The following PADI4 variants were observed in gnomAD, a reference collection of about 807,000 sequenced individuals.
PADI4 encodes protein-arginine deiminase type-4.
Under a neutral mutation model 75.0 loss-of-function variants are expected in PADI4, and 62 were observed. The ratio of observed to expected loss-of-function variants is 0.83; its 90% CI spans 0.67 to 1.02. The LOEUF is 1.02. Among genes scored for constraint, PADI4 ranks in the 50% least tolerant of loss-of-function variants. PADI4 has a pLI of 0.00. For synonymous variants in PADI4, 361 were observed against 348.1 expected (o/e 1.04, Z -0.41); for missense variants, 845 against 850.5 (o/e 0.99, Z 0.08).
chr1:17,356,058 C>T lies in PADI4; in HGVS notation c.1386C>T (p.Leu462=). The change falls in exon 12 of 16, where the codon CTC becomes CTT. Residue 462 remains leucine (L), a synonymous_variant. Transcript: ENST00000375448. The surrounding 1 kb of genome is among the most constrained non-coding windows in gnomAD (Gnocchi z 4.1). Reference sequence around the variant, plus strand: ...AGCAGGTGCAGGCCCCTGTGAAGCTCTATTCTGACTGGCTGTCCGTGGGCC... The same window carrying T: ...AGCAGGTGCAGGCCCCTGTGAAGCTTTATTCTGACTGGCTGTCCGTGGGCC... The part of the protein sequence containing the change: ...SAQQVQAPVK[L]YSDWLSVGHV... The T allele has an allele frequency of 3.7e-6, 6 of 1,614,162 alleles. No individual in the cohort carries two copies. Among genetic ancestry groups the T allele is most frequent in the Non-Finnish European group, 5.1e-6 (6 of 1,180,014 alleles).
At chr1:17,348,419 G>A (rs1287059219) in intron 10 of PADI4, among the ~76,000 whole-genome samples, 1 of 152,220 alleles carries the variant, frequency 6.6e-6, no homozygotes, top group Non-Finnish European at 1.5e-5. Flanking sequence ...TCTTATGGGT[G>A]GTGTTTGGTC....
chr1:17,338,142 G>A lies in PADI4; in HGVS notation c.513G>A (p.Val171=). The A allele has an allele frequency of 6.2e-7, 1 of 1,607,014 alleles. No individual in the cohort carries two copies. The highest frequency in any genetic ancestry group is 2.2e-5 in the East Asian group (1 of 44,778). The change falls in exon 5 of 16, where the codon GTG becomes GTA. Residue 171 remains valine, a synonymous_variant. Coordinates refer to ENST00000375448, the MANE Select transcript of PADI4 (RefSeq NM_012387.3). The stretch of plus-strand genomic sequence containing the variant: ...CCATGGACTGCGAGGATGATGAAGT[G>A]CTTGACAGCGAAGGTAAAGAGCATT... ...SSAMDCEDDE[V]LDSEDLQDMS...
At chr1:17,328,884 T>C (rs2074158339) in intron 1 of PADI4, among the ~76,000 whole-genome samples, 1 of 151,944 alleles carries the variant, frequency 6.6e-6, no homozygotes, top group Non-Finnish European at 1.5e-5. Context: ...ACCATTCTTA[T>C]GACATCAGAT....
chr1:17,346,408 G>A lies in PADI4; in HGVS notation c.1047+269G>A, dbSNP rs1030572888. On this transcript the variant is annotated intron_variant, in intron 9 of 15. Coordinates refer to ENST00000375448, the MANE Select transcript of PADI4 (RefSeq NM_012387.3). The surrounding 1 kb of genome is among the most constrained non-coding windows in gnomAD (Gnocchi z 4.3). ...CACTCAGGTGGCCTCAGGAAATGAT[G>A]TGAAGCTCAGGAGATTGGTGCTCAA... Among the ~76,000 whole-genome samples the A allele has an allele frequency of 3.3e-5, 5 of 152,170 alleles. No individual in the cohort carries two copies. Among genetic ancestry groups the A allele is most frequent in the Non-Finnish European group, 2.9e-5 (2 of 68,024 alleles).
intron 8 of PADI4, among the ~76,000 whole-genome samples, chr1:17,344,274 A>G (rs1313434524): frequency 1.3e-5 from 2 of 152,236 alleles, no homozygotes; most frequent in Non-Finnish European, 2.9e-5. Flanking sequence ...TCTAAGCAGC[A>G]AGGCATTCAA....
intron 6 of PADI4, among the ~76,000 whole-genome samples, chr1:17,340,480 C>A (rs551987660): frequency 6.6e-6 from 1 of 152,162 alleles, no homozygotes; most frequent in East Asian, 1.9e-4. Flanking sequence ...ATAGGAACAG[C>A]CAGACAGACA....
At position 17,342,279 on chromosome 1, in the gene PADI4, C is replaced by T; in HGVS notation, c.832-20C>T. The T allele has an allele frequency of 6.5e-7, 1 of 1,537,792 alleles. No individual in the cohort carries two copies. Among genetic ancestry groups the T allele is most frequent in the South Asian group, 1.1e-5 (1 of 89,402 alleles). On this transcript the variant is annotated intron_variant, in intron 7 of 15. Transcript: ENST00000375448. The stretch of plus-strand genomic sequence containing the variant: ...GGCAGCGGTGACAGCCCCTCCTTCC[C>T]CTTACCCCCTCCCCTGCAGGAGCTC...
rs1236437368 is a variant in PADI4 at position 17,331,028 on chromosome 1, A to T, written c.152A>T (p.Asp51Val). Residue 51 changes from aspartate to valine, a missense_variant, in exon 2 of 16, where the codon GAT (aspartate) becomes GTT (valine). Asp to Val is a radical substitution (Grantham distance 152, BLOSUM62 -3). Transcript: ENST00000375448. ...AACGCCTCCCCAGGGGTGGTCGTGG[A>T]TATTGCCCACGGCCCTCCAGCCAAG... Reference protein sequence around the residue: ...SINASPGVVVDIAHGPPAKKK... With the variant: ...SINASPGVVVVIAHGPPAKKK... 6.2e-7 allele frequency: 1 copy of T among 1,608,130 alleles called. No individual in the cohort carries two copies. Among genetic ancestry groups the T allele is most frequent in the Non-Finnish European group, 8.5e-7 (1 of 1,177,384 alleles).
chr1:17,343,340 C>T (rs2100746244), intron 8 of PADI4, among the ~76,000 whole-genome samples: 1 of 152,330 alleles, frequency 6.6e-6, no homozygotes, highest in Non-Finnish European at 1.5e-5. Context: ...GGCAATCTTC[C>T]TGCAGTCTGA....
Position 17,359,380 on chromosome 1 carries a change from C to G in PADI4, c.1730C>G (p.Ser577Cys), listed in dbSNP as rs1557584893. The G allele has an allele frequency of 1.2e-6, 2 of 1,614,064 alleles. No homozygotes were observed. The highest frequency in any genetic ancestry group is 2.2e-5 in the East Asian group (1 of 44,894). Residue 577 changes from serine to cysteine, a missense_variant, in exon 15 of 16, where the codon TCT becomes TGT. Coordinates refer to ENST00000375448, the MANE Select transcript of PADI4 (RefSeq NM_012387.3). ...CAGCTCTTCAAGCTCAAAGAGTTCT[C>G]TAAGGCGGAAGCTTTTTTCCCCAAC... ...IPQLFKLKEF[S>C]KAEAFFPNMV... is the part of the protein sequence containing the mutation.
At chr1:17,342,582 C>T (rs1379715710) in intron 8 of PADI4, among the ~76,000 whole-genome samples, 180 bp downstream of exon 8, 1 of 152,178 alleles carries the variant, frequency 6.6e-6, no homozygotes, top group African/African-American at 2.4e-5. Context: ...TTGCCTCTGT[C>T]CTGCCCTGAT....
chr1:17,325,987 A>G (rs1015271081), intron 1 of PADI4, among the ~76,000 whole-genome samples: 3 of 152,072 alleles, frequency 2.0e-5, no homozygotes, highest in African/African-American at 7.2e-5. Flanking sequence ...TACAGGCATG[A>G]GCCACTGCAC....
chr1:17,339,093 A>G (rs908176806), intron 5 of PADI4, among the ~76,000 whole-genome samples: 6 of 152,146 alleles, frequency 3.9e-5, no homozygotes, highest in African/African-American at 1.4e-4. Flanking sequence ...GTGATGAGGA[A>G]ACAGAGGCAG....
At chr1:17,353,588 G>A (rs1037124904) in intron 10 of PADI4, among the ~76,000 whole-genome samples, 1 of 152,148 alleles carries the variant, frequency 6.6e-6, no homozygotes, top group African/African-American at 2.4e-5. Context: ...CTGGGAGGCA[G>A]GGGAGATGGG....
intron 8 of PADI4, among the ~76,000 whole-genome samples, chr1:17,344,911 T>G (rs1209069499): frequency 6.6e-6 from 1 of 152,196 alleles, no homozygotes; most frequent in African/African-American, 2.4e-5. Flanking sequence ...GGACACCACG[T>G]AGTGGAGTTG....
intron 1 of PADI4, among the ~76,000 whole-genome samples, chr1:17,310,061 G>A (rs1412532792): frequency 6.6e-6 from 1 of 152,148 alleles, no homozygotes; most frequent in African/African-American, 2.4e-5. Context: ...GTTCACAGGG[G>A]CCTCTAAATC....
intron 1 of PADI4, among the ~76,000 whole-genome samples, chr1:17,316,354 ACTGCACTCCAGC>A (rs2073932853): frequency 6.6e-6 from 1 of 151,498 alleles, no homozygotes; most frequent in Non-Finnish European, 1.5e-5. Context: ...AGATCACACC[ACTGCACTCCAGC>A]CTGGGTGACA....
chr1:17,336,148 T>A lies in PADI4; in HGVS notation c.341-11T>A. 6.2e-7 allele frequency: 1 copy of A among 1,606,954 alleles called. No homozygotes were observed. Among genetic ancestry groups the A allele is most frequent in the Non-Finnish European group, 8.5e-7 (1 of 1,173,402 alleles). On this transcript the variant is annotated splice_polypyrimidine_tract_variant and intron_variant, in intron 3 of 15. Transcript: ENST00000375448. ...CTCACCAACCTCTCCTCTTACTTGA[T>A]GGGATTTCAGAAATCTCCTTGTGCG...
intron 1 of PADI4, among the ~76,000 whole-genome samples, chr1:17,321,450 T>C (rs1009174685): frequency 6.6e-6 from 1 of 152,260 alleles, no homozygotes; most frequent in South Asian, 2.1e-4. Context: ...TACTCATCTG[T>C]AAAATGAACA....
Sources: allele counts gnomAD v4.1 joint callset (sites outside exome capture counted in the v4.1 genomes callset), GRCh38; gene constraint gnomAD v4.1.1; non-coding constraint Gnocchi (gnomAD v3.1); transcripts MANE v1.5; gene names NCBI Gene and HGNC (gene_info 2026-07-23, HGNC 2026-07-21).